Variants in ADAM18 observed in about 807,000 individuals in gnomAD.
ADAM18 encodes ADAM metallopeptidase domain 18, also known as disintegrin and metalloproteinase domain-containing protein 18.
ADAM18 carries 117 observed loss-of-function variants against 94.4 expected under a neutral mutation model. The ratio of observed to expected loss-of-function variants is 1.24; its 90% confidence interval spans 1.07 to 1.45. The LOEUF is 1.45. Ranked by LOEUF, ADAM18 falls within the 40% of genes most tolerant of loss-of-function variation. ADAM18 has a pLI of 0.00. For synonymous variants in ADAM18, 327 were observed against 291.6 expected, an observed-to-expected ratio of 1.12 and a Z score of -1.24; for missense variants, 936 against 880.0, an observed-to-expected ratio of 1.06 and a Z score of -0.81.
In ADAM18 at chr8:39,586,796, C is replaced by G. The variant is rs571140387; in HGVS notation, c.132+1444C>G. 6.6e-3 allele frequency among the ~76,000 whole-genome samples: 887 copies of G among 135,146 alleles called. 5 individuals carry two copies. The highest frequency in any genetic ancestry group is 0.021 in the African/African-American group (841 of 39,340). The allele number at this position is 135,146 out of a possible 152,430, so 88.7% of individuals were successfully genotyped here. A position where few individuals can be genotyped will look rare whatever the true frequency, so the allele number is the denominator to read the frequency against. ...TCTATCTATCTATCTATCTATCTATCTATCTATATCTATCTATCTATCATC... is the reference window on the plus strand; with the variant it reads ...TCTATCTATCTATCTATCTATCTATGTATCTATATCTATCTATCTATCATC... On this transcript the variant is annotated intron_variant, in intron 2 of 19. Transcript: ENST00000265707.
chr8:39,680,384 A>G (rs1821421237), intron 16 of ADAM18, among the ~76,000 whole-genome samples, 158 bp downstream of exon 16: 2 of 152,198 alleles, frequency 1.3e-5, no homozygotes, highest in African/African-American at 4.8e-5. Flanking sequence ...AAACAAGCCT[A>G]AGTTATCCAA....
chr8:39,591,135 G>A (rs1200981926), intron 2 of ADAM18, among the ~76,000 whole-genome samples: 1 of 152,178 alleles, frequency 6.6e-6, no homozygotes, highest in African/African-American at 2.4e-5. Flanking sequence ...AATTTTCAGT[G>A]AGTTGTAATC....
At chr8:39,697,999 T>A (rs1030587693) in intron 17 of ADAM18, among the ~76,000 whole-genome samples, 1 of 151,850 alleles carries the variant, frequency 6.6e-6, no homozygotes, top group East Asian at 1.9e-4. Context: ...TGGACATTTT[T>A]AAATCATTAC....
chr8:39,729,884 T>A lies in ADAM18; in HGVS notation c.2178-14T>A. On this transcript the variant is annotated splice_polypyrimidine_tract_variant and intron_variant, in intron 19 of 19. Transcript: ENST00000265707. ...ATTGTGAATTTCTATTTTTTCTGTT[T>A]TTCTTCACTATAGTAATTCATCCGT... The A allele has an allele frequency of 6.2e-7, 1 of 1,611,266 alleles. No homozygotes were observed. The highest frequency in any genetic ancestry group is 8.5e-7 in the Non-Finnish European group (1 of 1,177,514).
At chr8:39,593,246 A>G (rs1818629848) in intron 2 of ADAM18, among the ~76,000 whole-genome samples, 1 of 152,194 alleles carries the variant, frequency 6.6e-6, no homozygotes, top group South Asian at 2.1e-4. Flanking sequence ...TATCAGCAAT[A>G]GCTTGTTTGC....
chr8:39,725,932 T>TCA (rs1822894270), intron 19 of ADAM18, among the ~76,000 whole-genome samples: 3 of 152,248 alleles, frequency 2.0e-5, no homozygotes, highest in South Asian at 4.1e-4. Context: ...CGTCATACTG[T>TCA]TTTCCATAAT....
intron 17 of ADAM18, among the ~76,000 whole-genome samples, chr8:39,698,532 C>A (rs947928912): frequency 6.6e-6 from 1 of 152,014 alleles, no homozygotes; most frequent in Non-Finnish European, 1.5e-5. Context: ...AATACCCCAA[C>A]ACATCAGGAG....
At chr8:39,653,299 A>C (rs1820589668) in intron 12 of ADAM18, among the ~76,000 whole-genome samples, 1 of 152,170 alleles carries the variant, frequency 6.6e-6, no homozygotes, top group Non-Finnish European at 1.5e-5. Flanking sequence ...GATTTTTTAA[A>C]AAATGTATTT....
At chr8:39,660,742 A>G (rs1382939802) in intron 12 of ADAM18, among the ~76,000 whole-genome samples, 1 of 152,222 alleles carries the variant, frequency 6.6e-6, no homozygotes, top group Non-Finnish European at 1.5e-5. Flanking sequence ...AATAATATGA[A>G]CATTCCAGTC....
intron 10 of ADAM18, among the ~76,000 whole-genome samples, chr8:39,644,734 A>G (rs1158801433): frequency 6.6e-6 from 1 of 152,148 alleles, no homozygotes; most frequent in Non-Finnish European, 1.5e-5. Context: ...CATACTTTGT[A>G]TCTCAGCCTA....
At chr8:39,633,070 C>T (rs1020005271) in intron 7 of ADAM18, among the ~76,000 whole-genome samples, 1 of 152,150 alleles carries the variant, frequency 6.6e-6, no homozygotes, top group African/African-American at 2.4e-5. Context: ...CTGCTTTCCT[C>T]TCCACGAGGA....
intron 7 of ADAM18, among the ~76,000 whole-genome samples, chr8:39,633,690 G>A (rs979957023): frequency 1.3e-5 from 2 of 152,132 alleles, no homozygotes; most frequent in Non-Finnish European, 2.9e-5. Flanking sequence ...TCTCTAAACA[G>A]CAAGGTGTTC....
chr8:39,630,884 C>A (rs560091329), intron 7 of ADAM18, among the ~76,000 whole-genome samples: 156 of 152,056 alleles, frequency 1.0e-3, no homozygotes, highest in African/African-American at 3.6e-3. Context: ...TCATTACAAA[C>A]AATTACAATT....
rs771560328 is a variant in ADAM18, at chr8:39,648,334, T to A, written c.1047-10T>A. 6.4e-7 allele frequency: 1 copy of A among 1,574,282 alleles called. No individual in the cohort carries two copies. The highest frequency in any genetic ancestry group is 1.2e-5 in the South Asian group (1 of 84,528). ...GGCTTATTTGCCTGAGGAATATTAT[T>A]TTATTTTAGGAGTGCCAGTGGTAGA... On this transcript the variant is annotated splice_polypyrimidine_tract_variant and intron_variant, in intron 11 of 19. Coordinates refer to ENST00000265707, the MANE Select transcript of ADAM18 (RefSeq NM_014237.3).
chr8:39,606,095 C>T (rs28445781), intron 2 of ADAM18, among the ~76,000 whole-genome samples: 4,822 of 152,164 alleles, frequency 0.032, 282 homozygotes, highest in African/African-American at 0.11. Context: ...TTCCCCTTCA[C>T]TTTTATTTTA....
intron 6 of ADAM18, among the ~76,000 whole-genome samples, chr8:39,612,202 G>A (rs1330166573): frequency 1.3e-5 from 2 of 152,070 alleles, no homozygotes; most frequent in African/African-American, 2.4e-5. Flanking sequence ...ATCTCCCACC[G>A]GAAAACCAGA....
intron 2 of ADAM18, chr8:39,604,671 A>C (rs1406391256): frequency 6.6e-6 from 1 of 152,126 alleles, no homozygotes; most frequent in Non-Finnish European, 1.5e-5. Flanking sequence ...CATGAGTAAA[A>C]ACTCTCTGAG....
chr8:39,663,532 G>A (rs1279152637), intron 12 of ADAM18, among the ~76,000 whole-genome samples: 2 of 137,816 alleles, frequency 1.5e-5, no homozygotes, highest in Non-Finnish European at 3.1e-5. Context: ...CTCACTGGTT[G>A]AGGCTGCAGT....
chr8:39,682,709 G>A (rs578243996), intron 16 of ADAM18, among the ~76,000 whole-genome samples: 1 of 152,132 alleles, frequency 6.6e-6, no homozygotes, highest in African/African-American at 2.4e-5. Context: ...ATATATTGAT[G>A]GGCTTGGGGC....
Sources: gnomAD v4.1 joint callset for allele counts (sites outside exome capture counted in the v4.1 genomes callset) on GRCh38, gnomAD v4.1.1 for gene constraint, MANE v1.5 for transcripts, NCBI Gene and HGNC (gene_info 2026-07-23, HGNC 2026-07-21) for gene names.